RBFOX1: variants seen among roughly 807,000 people sequenced by gnomAD.
RBFOX1 encodes the protein RNA binding protein fox-1 homolog 1.
RBFOX1 carries 8 observed loss-of-function variants against 57.7 expected under a neutral mutation model. That is an observed-to-expected ratio of 0.14 (90% CI 0.08 to 0.25). The LOEUF is 0.25. Among genes scored for constraint, RBFOX1 ranks in the 10% least tolerant of loss-of-function variants. The probability of loss-of-function intolerance (pLI) is 1.00; values close to 1 mark genes in which losing one functional copy is unlikely to be tolerated. For synonymous variants in RBFOX1, 326 were observed against 222.4 expected, an observed-to-expected ratio of 1.47 and a Z score of -4.15; for missense variants, 611 against 548.5, an observed-to-expected ratio of 1.11 and a Z score of -1.14.
intron 4 of RBFOX1, among the ~76,000 whole-genome samples, chr16:7,442,552 A>G (rs2098776918): frequency 1.3e-5 from 2 of 152,088 alleles, no homozygotes; most frequent in Non-Finnish European, 2.9e-5. Context: ...GGCTGGTTTT[A>G]ATGAGCTTGT....
chr16:7,292,824 T>C (rs1214909924), intron 4 of RBFOX1, among the ~76,000 whole-genome samples: 1 of 152,056 alleles, frequency 6.6e-6, no homozygotes, highest in African/African-American at 2.4e-5. Flanking sequence ...ATAGGTCTTG[T>C]AATGGAGCGT....
intron 3 of RBFOX1, among the ~76,000 whole-genome samples, chr16:6,806,150 T>C (rs926716930): frequency 2.0e-5 from 3 of 152,178 alleles, no homozygotes; most frequent in Non-Finnish European, 4.4e-5. Flanking sequence ...TTAGTTAGAA[T>C]AGAAATGAGT....
At chr16:7,528,228 C>T (rs9935738) in intron 5 of RBFOX1, among the ~76,000 whole-genome samples, 4,434 of 152,316 alleles carry the variant, frequency 0.029, 192 homozygotes, top group African/African-American at 0.1. Flanking sequence ...TTAGAGCCAT[C>T]TGACAAGTTT....
intron 3 of RBFOX1, among the ~76,000 whole-genome samples, chr16:6,655,422 C>T (rs1018500211): frequency 2.1e-5 from 3 of 139,558 alleles, no homozygotes; most frequent in African/African-American, 8.2e-5. Flanking sequence ...GCTCAATTTC[C>T]ATCACAACAC....
intron 11 of RBFOX1, among the ~76,000 whole-genome samples, chr16:7,649,662 A>G (rs2064533430): frequency 6.6e-6 from 1 of 152,144 alleles, no homozygotes; most frequent in Non-Finnish European, 1.5e-5. Flanking sequence ...AAGGAAGACA[A>G]ACATTGGTTA....
At chr16:6,684,031 A>T (rs1183720221) in intron 3 of RBFOX1, among the ~76,000 whole-genome samples, 2 of 152,180 alleles carry the variant, frequency 1.3e-5, no homozygotes, top group African/African-American at 2.4e-5. Context: ...CACAGTGTGA[A>T]CAGCAACCTG....
chr16:6,378,277 C>T (rs1178293045), intron 2 of RBFOX1, among the ~76,000 whole-genome samples: 3 of 152,222 alleles, frequency 2.0e-5, no homozygotes, highest in African/African-American at 2.4e-5. Context: ...TCCGTGCTCA[C>T]CTTTCACCTC....
At chr16:6,113,775 T>C (rs1021158533) in intron 1 of RBFOX1, among the ~76,000 whole-genome samples, 1 of 152,224 alleles carries the variant, frequency 6.6e-6, no homozygotes, top group African/African-American at 2.4e-5. Context: ...TAGAAATGTT[T>C]GTTGTCTTGA....
upstream of RBFOX1, chr16:6,019,022 C>T (rs1265909358): frequency 1.6e-5 from 14 of 902,650 alleles, no homozygotes; most frequent in African/African-American, 3.6e-5. This position sits in a 1 kb window ranked among gnomAD's most constrained non-coding sequence, Gnocchi z 4.2. Context: ...CCCTCGCGCA[C>T]CAGATTATTT....
intron 1 of RBFOX1, among the ~76,000 whole-genome samples, chr16:6,155,225 C>T (rs769556547): frequency 6.6e-5 from 10 of 152,164 alleles, no homozygotes; most frequent in Non-Finnish European, 1.3e-4. Flanking sequence ...CCATCTCTTC[C>T]TCTGGGGCAT....
intron 3 of RBFOX1, among the ~76,000 whole-genome samples, chr16:6,851,666 G>C (rs562844406): frequency 6.6e-6 from 1 of 152,114 alleles, no homozygotes; most frequent in South Asian, 2.1e-4. Context: ...AGGCTCTAGG[G>C]TCGAGAAGAC....
chr16:6,980,623 C>T (rs1037007595), intron 3 of RBFOX1, among the ~76,000 whole-genome samples: 6 of 152,050 alleles, frequency 3.9e-5, no homozygotes, highest in African/African-American at 1.4e-4. Context: ...TGAAAAACTC[C>T]AATTATCAGA....
At chr16:5,841,429 A>G (rs2056622437) in intron 3 of RBFOX1, among the ~76,000 whole-genome samples, 3 of 152,170 alleles carry the variant, frequency 2.0e-5, no homozygotes, top group Non-Finnish European at 1.5e-5. Flanking sequence ...TCTTCCCGAG[A>G]GCAAGGGAGG....
chr16:7,184,326 T>G (rs567607975), intron 4 of RBFOX1, among the ~76,000 whole-genome samples: 2 of 152,272 alleles, frequency 1.3e-5, no homozygotes, highest in South Asian at 4.1e-4. Context: ...CAAATGACAG[T>G]GTACTCTGTT....
chr16:5,375,425 A>G (rs957726707), intron 1 of RBFOX1, among the ~76,000 whole-genome samples: 1 of 152,000 alleles, frequency 6.6e-6, no homozygotes, highest in African/African-American at 2.4e-5. Flanking sequence ...AAACAGCATC[A>G]TGGAGGGCTC....
intron 2 of RBFOX1, among the ~76,000 whole-genome samples, chr16:6,598,346 T>G (rs1337353436): frequency 6.6e-6 from 1 of 152,218 alleles, no homozygotes; most frequent in African/African-American, 2.4e-5. Flanking sequence ...TGTATGGACC[T>G]GATTTATTTA....
chr16:5,294,319 G>A (rs2063609406), intron 1 of RBFOX1, among the ~76,000 whole-genome samples: 2 of 152,170 alleles, frequency 1.3e-5, no homozygotes, highest in African/African-American at 4.8e-5. Flanking sequence ...ATTGATCTGG[G>A]TTGCAGAGCC....
chr16:5,775,792 C>G (rs1208566760), intron 3 of RBFOX1, among the ~76,000 whole-genome samples: 1 of 152,218 alleles, frequency 6.6e-6, no homozygotes, highest in African/African-American at 2.4e-5. Context: ...AAGGAGCTAG[C>G]AATGTCCAGA....
At chr16:7,250,887 T>C (rs2094476443) in intron 4 of RBFOX1, among the ~76,000 whole-genome samples, 1 of 152,188 alleles carries the variant, frequency 6.6e-6, no homozygotes, top group African/African-American at 2.4e-5. Context: ...CGAATTAACT[T>C]TTTGAATTGA....
Sources: gnomAD v4.1 joint callset for allele counts (sites outside exome capture counted in the v4.1 genomes callset) on GRCh38, gnomAD v4.1.1 for gene constraint, Gnocchi (gnomAD v3.1) non-coding constraint, MANE v1.5 for transcripts, NCBI Gene and HGNC (gene_info 2026-07-23, HGNC 2026-07-21) for gene names.